NCKAP5: variants seen among roughly 807,000 people sequenced by gnomAD.
The protein encoded by NCKAP5 is nck-associated protein 5.
NCKAP5 carries 92 observed loss-of-function variants against 167.0 expected under a neutral mutation model. The observed-to-expected ratio is 0.55, with a 90% CI of 0.47 to 0.66. The LOEUF (loss-of-function observed/expected upper bound fraction) is 0.66, where lower values mean the gene tolerates loss of function less well. Among genes scored for constraint, NCKAP5 ranks in the 30% least tolerant of loss-of-function variants. The pLI is 0.00. For synonymous variants in NCKAP5, 891 were observed against 877.4 expected, an observed-to-expected ratio of 1.02 and a Z score of -0.27; for missense variants, 2,378 against 2,315.0, an observed-to-expected ratio of 1.03 and a Z score of -0.56.
At chr2:133,251,548 A>G (rs1426645008) in intron 4 of NCKAP5, among the ~76,000 whole-genome samples, 1 of 143,758 alleles carries the variant, frequency 7.0e-6, no homozygotes, top group Non-Finnish European at 1.5e-5. Context: ...AGCAGATGCC[A>G]AAGTATAAAA....
intron 12 of NCKAP5, among the ~76,000 whole-genome samples, chr2:132,794,261 TATAGAGAGAG>T (rs1362910386): frequency 8.9e-4 from 21 of 23,498 alleles, no homozygotes; most frequent in South Asian, 6.4e-3. Flanking sequence ...TATATATATA[TATAGAGAGAG>T]AGAGAGAGAG....
At chr2:132,744,412 C>T (rs1679469748) in intron 16 of NCKAP5, among the ~76,000 whole-genome samples, 1 of 151,402 alleles carries the variant, frequency 6.6e-6, no homozygotes, top group Admixed American at 6.6e-5. Context: ...TTATACAGTA[C>T]ACTACTAAAT....
At chr2:133,461,630 T>C (rs2151234734) in intron 3 of NCKAP5, among the ~76,000 whole-genome samples, 1 of 152,272 alleles carries the variant, frequency 6.6e-6, no homozygotes, top group East Asian at 1.9e-4. Context: ...GTTGATGCCC[T>C]CCTGGGCTCC....
At chr2:133,436,253 A>G (rs1457581976) in intron 3 of NCKAP5, among the ~76,000 whole-genome samples, 1 of 152,152 alleles carries the variant, frequency 6.6e-6, no homozygotes. Flanking sequence ...GGGGAGTTTA[A>G]AATATGGCCA....
chr2:133,150,092 A>G (rs2083333462), intron 5 of NCKAP5, among the ~76,000 whole-genome samples: 1 of 152,200 alleles, frequency 6.6e-6, no homozygotes, highest in Non-Finnish European at 1.5e-5. Context: ...AGTGTATTCA[A>G]TACTGCAGTA....
chr2:133,437,522 C>T (rs566478798), intron 3 of NCKAP5, among the ~76,000 whole-genome samples: 1 of 152,258 alleles, frequency 6.6e-6, no homozygotes, highest in African/African-American at 2.4e-5. Context: ...AAACTAAAGC[C>T]TTCTTTCTCA....
chr2:133,381,448 A>C (rs1032959739), intron 3 of NCKAP5: 1 of 152,250 alleles, frequency 6.6e-6, no homozygotes, highest in African/African-American at 2.4e-5. Flanking sequence ...TGGGCAAACC[A>C]AATATGAGAG....
chr2:132,965,865 G>A (rs1008907781), intron 7 of NCKAP5, among the ~76,000 whole-genome samples: 41 of 151,554 alleles, frequency 2.7e-4, no homozygotes, highest in Middle Eastern at 3.4e-3. Flanking sequence ...ATAATCTTAC[G>A]AGACCACCAT....
At chr2:133,287,290 G>A (rs932125123) in intron 4 of NCKAP5, among the ~76,000 whole-genome samples, 2 of 152,162 alleles carry the variant, frequency 1.3e-5, no homozygotes, top group Non-Finnish European at 2.9e-5. Flanking sequence ...TGTAGTGTCT[G>A]TAACTGACAT....
intron 3 of NCKAP5, among the ~76,000 whole-genome samples, chr2:133,327,262 C>T (rs1378629119): frequency 6.6e-6 from 1 of 152,220 alleles, no homozygotes; most frequent in African/African-American, 2.4e-5. Flanking sequence ...CACAATACAG[C>T]TTCCACTAGG....
chr2:133,357,902 T>C (rs1226527068), intron 3 of NCKAP5, among the ~76,000 whole-genome samples: 1 of 152,212 alleles, frequency 6.6e-6, no homozygotes, highest in African/African-American at 2.4e-5. Context: ...TATCACTCAT[T>C]GCCTTGAGCT....
intron 8 of NCKAP5, among the ~76,000 whole-genome samples, chr2:132,925,724 G>A (rs1259928175): frequency 2.6e-5 from 4 of 152,054 alleles, no homozygotes; most frequent in Non-Finnish European, 5.9e-5. Flanking sequence ...CTGTGGCCTG[G>A]GGGTTGGGGA....
At chr2:133,055,998 G>A (rs1275577813) in intron 6 of NCKAP5, among the ~76,000 whole-genome samples, 2 of 152,208 alleles carry the variant, frequency 1.3e-5, no homozygotes, top group East Asian at 3.8e-4. Flanking sequence ...AAGAGAGGGA[G>A]AGGCACACAC....
At chr2:133,012,779 T>G (rs1401526943) in intron 6 of NCKAP5, among the ~76,000 whole-genome samples, 2 of 152,078 alleles carry the variant, frequency 1.3e-5, no homozygotes, top group Admixed American at 6.5e-5. Context: ...CCCTATCTGC[T>G]CATTCTGTCT....
At chr2:132,972,896 C>T (rs1220340204) in intron 7 of NCKAP5, among the ~76,000 whole-genome samples, 1 of 148,198 alleles carries the variant, frequency 6.7e-6, no homozygotes, top group Non-Finnish European at 1.5e-5. Context: ...AATTTAAAAA[C>T]AATGCCTGCT....
chr2:133,439,470 A>G (rs1690696809), intron 3 of NCKAP5, among the ~76,000 whole-genome samples: 1 of 152,252 alleles, frequency 6.6e-6, no homozygotes, highest in Non-Finnish European at 1.5e-5. Context: ...AAAAGAGCAA[A>G]GCCCTATTTC....
intron 6 of NCKAP5, among the ~76,000 whole-genome samples, chr2:133,012,274 G>A (rs1305886105): frequency 6.6e-6 from 1 of 152,088 alleles, no homozygotes; most frequent in East Asian, 1.9e-4. Context: ...TTGAGACAGA[G>A]TCTTGCTCTG....
intron 1 of NCKAP5, among the ~76,000 whole-genome samples, chr2:133,565,534 G>T (rs1688484105): frequency 6.6e-6 from 1 of 152,224 alleles, no homozygotes; most frequent in East Asian, 1.9e-4. Flanking sequence ...CAGGACTTGA[G>T]CCTGGGCAGG....
At chr2:133,548,717 T>C (rs1298501954) in intron 2 of NCKAP5, among the ~76,000 whole-genome samples, 1 of 150,896 alleles carries the variant, frequency 6.6e-6, no homozygotes, top group Non-Finnish European at 1.5e-5. Context: ...CTAAAAGAGC[T>C]CCTGAAGGAA....
Sources: gnomAD v4.1 joint callset for allele counts (sites outside exome capture counted in the v4.1 genomes callset) on GRCh38, gnomAD v4.1.1 for gene constraint, MANE v1.5 for transcripts, NCBI Gene and HGNC (gene_info 2026-07-23, HGNC 2026-07-21) for gene names.